FAF2: variants seen among roughly 807,000 people sequenced by gnomAD.
FAF2 encodes Fas associated factor family member 2, also known as FAS-associated factor 2.
A neutral mutation model predicts 62.3 loss-of-function variants in FAF2; 9 were observed. The ratio of observed to expected loss-of-function variants is 0.14; its 90% CI spans 0.09 to 0.25. The LOEUF is 0.25. Ranked by LOEUF, FAF2 falls within the 10% of genes least tolerant of loss-of-function variation. FAF2 has a pLI of 1.00. For missense variants in FAF2, 368 were observed against 556.2 expected (o/e 0.66, Z 3.40); for synonymous variants, 202 against 198.0 (o/e 1.02, Z -0.17).
chr5:176,506,689 TTG>T (rs906967213), intron 10 of FAF2, 77 bp from the exon 11 acceptor site: 21 of 1,087,770 alleles, frequency 1.9e-5, no homozygotes, highest in Non-Finnish European at 2.6e-5. Flanking sequence ...GACTTCAGAG[TTG>T]TGTGTGCGTG....
At chr5:176,469,097 T>C (rs1481020663) in intron 1 of FAF2, among the ~76,000 whole-genome samples, 1 of 150,558 alleles carries the variant, frequency 6.6e-6, no homozygotes, top group African/African-American at 2.4e-5. Flanking sequence ...ATACAAAAAT[T>C]AGCTGGGCGT....
chr5:176,486,044 G>A (rs1758868679), intron 2 of FAF2, among the ~76,000 whole-genome samples: 1 of 152,180 alleles, frequency 6.6e-6, no homozygotes, highest in African/African-American at 2.4e-5. Flanking sequence ...GGATTGTACA[G>A]TGAAGCACTT....
intron 7 of FAF2, among the ~76,000 whole-genome samples, chr5:176,495,914 GA>G (rs555083306): frequency 1.8e-4 from 27 of 150,578 alleles, no homozygotes; most frequent in Admixed American, 2.6e-4. Context: ...TTAGGCAAGA[GA>G]AAAAAAAATG....
intron 1 of FAF2, chr5:176,453,629 G>T (rs1422212695): frequency 6.6e-6 from 1 of 152,008 alleles, no homozygotes; most frequent in Non-Finnish European, 1.5e-5. Flanking sequence ...TTTTGCCAGA[G>T]AATTTGGCAC....
At chr5:176,451,825 T>TAC (rs1561813439) in intron 1 of FAF2, among the ~76,000 whole-genome samples, 23 of 47,738 alleles carry the variant, frequency 4.8e-4, no homozygotes, top group Admixed American at 8.5e-4. Context: ...CATATATATA[T>TAC]ATACATATAT....
chr5:176,483,560 A>T (rs930216156), intron 2 of FAF2, among the ~76,000 whole-genome samples: 2 of 152,190 alleles, frequency 1.3e-5, no homozygotes, highest in Admixed American at 1.3e-4. Flanking sequence ...GGACTACCTG[A>T]TATTAGCCAA....
At chr5:176,455,012 G>A (rs865821172) in intron 1 of FAF2, among the ~76,000 whole-genome samples, 4 of 152,090 alleles carry the variant, frequency 2.6e-5, no homozygotes, top group South Asian at 4.1e-4. Flanking sequence ...AGTGCAAAAA[G>A]AGTTTTCATC....
intron 2 of FAF2, among the ~76,000 whole-genome samples, chr5:176,485,524 C>CT (rs951179438): frequency 1.3e-4 from 20 of 152,014 alleles, no homozygotes; most frequent in Admixed American, 4.6e-4. Context: ...GTAAGGTCAA[C>CT]TTTTTTTTAC....
rs530241251 is a variant in FAF2, at chr5:176,466,178, T to C, written c.64-13010T>C. Among the ~76,000 whole-genome samples the C allele has an allele frequency of 1.4e-4, 22 of 152,338 alleles. 1 individual carries two copies. The Middle Eastern group carries it at 0.014, about 94-fold the overall frequency. On this transcript the variant is annotated intron_variant, in intron 1 of 10. Coordinates refer to ENST00000261942, the MANE Select transcript of FAF2 (RefSeq NM_014613.3). ...GAGTGTGTGTAAGAGTTTAAATTAC[T>C]TTAGATCAGAGCCTAGCCATGATCA...
intron 1 of FAF2, among the ~76,000 whole-genome samples, chr5:176,454,320 G>C (rs886314553): frequency 3.5e-4 from 53 of 152,104 alleles, no homozygotes; most frequent in African/African-American, 1.3e-3. Context: ...TTGAATTCTG[G>C]AGGCGGAGGT....
intron 1 of FAF2, among the ~76,000 whole-genome samples, chr5:176,449,718 A>T (rs1758132156): frequency 6.6e-6 from 1 of 152,230 alleles, no homozygotes; most frequent in South Asian, 2.1e-4. Flanking sequence ...AAAGTTATTG[A>T]TACACTTATT....
intron 1 of FAF2, among the ~76,000 whole-genome samples, chr5:176,468,704 G>A (rs1758512757): frequency 6.6e-6 from 1 of 152,052 alleles, no homozygotes. Flanking sequence ...AGGCTGAAGT[G>A]GGAGGATCAC....
intron 7 of FAF2, 63 bp from the exon 8 acceptor site, chr5:176,496,423 G>A (rs748028560): frequency 3.0e-5 from 41 of 1,365,520 alleles, no homozygotes; most frequent in Non-Finnish European, 3.9e-5. Context: ...ATTGTGGAAA[G>A]TCTAAGGGTT....
chr5:176,501,382 G>A lies in FAF2; in HGVS notation c.1155+1236G>A, dbSNP rs147532259. On this transcript the variant is annotated intron_variant, in intron 10 of 10. Transcript: ENST00000261942. ...CCTCATAATTAAAAGAGGATGCACTGTAGTCAGGTGAGGCTGGTTAGTACA... is the reference window on the plus strand; with the variant it reads ...CCTCATAATTAAAAGAGGATGCACTATAGTCAGGTGAGGCTGGTTAGTACA... Among the ~76,000 whole-genome samples the A allele has an allele frequency of 2.3e-4, 35 of 152,320 alleles. No individual in the cohort carries two copies. The East Asian group carries it at 5.4e-3, about 24-fold the overall frequency.
intron 10 of FAF2, among the ~76,000 whole-genome samples, chr5:176,505,734 T>C (rs527664187): frequency 8.5e-5 from 13 of 152,332 alleles, no homozygotes; most frequent in African/African-American, 2.9e-4. Flanking sequence ...CATTTCTACT[T>C]ACTTCGCTTA....
chr5:176,489,112 A>G (rs1032566419), intron 4 of FAF2, 85 bp downstream of exon 4: 8 of 936,300 alleles, frequency 8.5e-6, no homozygotes, highest in Non-Finnish European at 1.3e-5. Flanking sequence ...ATGCTCTATC[A>G]ATGTTGACTT....
chr5:176,495,637 G>A (rs954681188), intron 7 of FAF2, among the ~76,000 whole-genome samples: 26 of 151,290 alleles, frequency 1.7e-4, no homozygotes, highest in African/African-American at 5.8e-4. Flanking sequence ...TCAGCCTCTC[G>A]CCTATCTGGA....
chr5:176,461,835 T>C (rs1414909229), intron 1 of FAF2, among the ~76,000 whole-genome samples: 1 of 152,214 alleles, frequency 6.6e-6, no homozygotes, highest in Non-Finnish European at 1.5e-5. Context: ...TTGTTTTTGT[T>C]GCAAATGTTT....
Position 176,498,964 on chromosome 5 carries a change from A to T in FAF2, c.890A>T (p.Tyr297Phe). ...CTGAGACAACAGCAGGATGAGGCCTACCTGGCCTCTCTCAGAGCTGACCAG... is the reference window on the plus strand; with the variant it reads ...CTGAGACAACAGCAGGATGAGGCCTTCCTGGCCTCTCTCAGAGCTGACCAG... ...QVLRQQQDEA[Y>F]LASLRADQEK... The change falls in exon 9 of 11, where the codon TAC becomes TTC. Residue 297 changes from tyrosine to phenylalanine, a missense_variant. This residue lies in a region of FAF2 where 331 missense variants were observed against 441.9 expected (regional missense o/e 0.75). Transcript: ENST00000261942. 6.2e-7 allele frequency: 1 copy of T among 1,613,144 alleles called. No individual in the cohort carries two copies. Among genetic ancestry groups the T allele is most frequent in the Non-Finnish European group, 8.5e-7 (1 of 1,179,318 alleles).
Sources: allele counts gnomAD v4.1 joint callset (sites outside exome capture counted in the v4.1 genomes callset), GRCh38; gene constraint gnomAD v4.1.1; regional missense constraint gnomAD v4.1.1; transcripts MANE v1.5; gene names NCBI Gene and HGNC (gene_info 2026-07-23, HGNC 2026-07-21).